The following SYT14 variants were observed in gnomAD, a reference collection of about 807,000 sequenced individuals.
SYT14 encodes the protein synaptotagmin-14.
Under a neutral mutation model 74.2 loss-of-function variants are expected in SYT14, and 32 were observed. The ratio of observed to expected loss-of-function variants is 0.43; its 90% CI spans 0.33 to 0.58. The LOEUF (loss-of-function observed/expected upper bound fraction) is 0.58, where lower values mean the gene tolerates loss of function less well. Among genes scored for constraint, SYT14 ranks in the 20% least tolerant of loss-of-function variants. SYT14 has a pLI of 0.05. For synonymous variants in SYT14, 298 were observed against 337.7 expected, an observed-to-expected ratio of 0.88 and a Z score of 1.29; for missense variants, 791 against 981.8, an observed-to-expected ratio of 0.81 and a Z score of 2.60.
At chr1:209,950,633 A>G (rs971936794) in intron 1 of SYT14, among the ~76,000 whole-genome samples, 1 of 152,184 alleles carries the variant, frequency 6.6e-6, no homozygotes, top group East Asian at 1.9e-4. Flanking sequence ...CATTGTTACA[A>G]CCAAGTCAGA....
chr1:209,962,152 T>G (rs1451324455), intron 2 of SYT14, among the ~76,000 whole-genome samples: 1 of 152,082 alleles, frequency 6.6e-6, no homozygotes, highest in African/African-American at 2.4e-5. Flanking sequence ...ATGAATAAAG[T>G]GCTCTTTTTC....
At chr1:209,938,477 T>G (rs1430245668) in intron 1 of SYT14, among the ~76,000 whole-genome samples, 200 bp downstream of exon 1, 1 of 151,712 alleles carries the variant, frequency 6.6e-6, no homozygotes, top group Non-Finnish European at 1.5e-5. Flanking sequence ...CCCGACTGGC[T>G]CGCTCGCCCC....
chr1:210,082,384 C>T (rs560463466), intron 5 of SYT14, among the ~76,000 whole-genome samples: 3 of 152,192 alleles, frequency 2.0e-5, no homozygotes, highest in South Asian at 2.1e-4. Context: ...TTCTATCCAC[C>T]GAGGTTTTCC....
At chr1:210,042,309 G>A (rs938042254) in intron 5 of SYT14, among the ~76,000 whole-genome samples, 16 of 152,134 alleles carry the variant, frequency 1.1e-4, no homozygotes, top group African/African-American at 3.9e-4. Context: ...ATACAGAGAA[G>A]GATGTTTAAT....
At chr1:209,945,695 AT>A (rs2078811546) in intron 1 of SYT14, among the ~76,000 whole-genome samples, 1 of 152,194 alleles carries the variant, frequency 6.6e-6, no homozygotes, top group African/African-American at 2.4e-5. Context: ...AATTGTGGTG[AT>A]TTAGGCTAAT....
At chr1:210,037,269 TATA>T (rs1236567404) in intron 5 of SYT14, among the ~76,000 whole-genome samples, 2 of 151,932 alleles carry the variant, frequency 1.3e-5, no homozygotes, top group African/African-American at 4.8e-5. Flanking sequence ...TGGTATCACT[TATA>T]ATGTCTCCTG....
At chr1:210,022,217 G>A (rs1195056407) in intron 5 of SYT14, among the ~76,000 whole-genome samples, 1 of 152,086 alleles carries the variant, frequency 6.6e-6, no homozygotes, top group Non-Finnish European at 1.5e-5. Flanking sequence ...AGTTGTCAAA[G>A]GGGGTAAATC....
At chr1:210,064,761 G>T (rs1194296433) in intron 5 of SYT14, among the ~76,000 whole-genome samples, 1 of 151,980 alleles carries the variant, frequency 6.6e-6, no homozygotes, top group Non-Finnish European at 1.5e-5. Context: ...GCTGCTTTCA[G>T]TTATTTTGGG....
intron 7 of SYT14, among the ~76,000 whole-genome samples, chr1:210,152,068 TCAAG>T (rs2083176038): frequency 6.6e-6 from 1 of 152,236 alleles, no homozygotes; most frequent in South Asian, 2.1e-4. Flanking sequence ...CCAAATGTGC[TCAAG>T]CATGTTTTTG....
chr1:210,067,658 T>A (rs1430325137), intron 5 of SYT14, among the ~76,000 whole-genome samples: 2 of 151,936 alleles, frequency 1.3e-5, no homozygotes. Flanking sequence ...AAATTTACCC[T>A]CCCATTAACA....
intron 5 of SYT14, among the ~76,000 whole-genome samples, chr1:210,030,904 TTTTG>T (rs1464349486): frequency 4.0e-5 from 5 of 123,560 alleles, no homozygotes; most frequent in Non-Finnish European, 6.6e-5. Flanking sequence ...GAAGGCAGTG[TTTTG>T]TTTGTTTTGT....
At chr1:210,029,618 A>G (rs564592786) in intron 5 of SYT14, among the ~76,000 whole-genome samples, 3 of 152,242 alleles carry the variant, frequency 2.0e-5, no homozygotes, top group East Asian at 1.9e-4. Context: ...CCATTGGTCT[A>G]TATGTTTGTC....
At chr1:210,058,259 A>G (rs1037446210) in intron 5 of SYT14, among the ~76,000 whole-genome samples, 6 of 152,172 alleles carry the variant, frequency 3.9e-5, no homozygotes, top group Non-Finnish European at 7.3e-5. Flanking sequence ...ATATCAGTCT[A>G]ACTGCTGTGC....
At position 210,161,879 on chromosome 1, in the gene SYT14, T is replaced by C. The variant is rs1363862076; in HGVS notation, c.*837T>C. 4 of 450,946 alleles carry C rather than the reference T, an allele frequency of 8.9e-6. No individual in the cohort carries two copies. The Admixed American group carries it at 9.4e-5, about 11-fold the overall frequency. The allele number at this position is 450,946 out of a possible 1,614,324, so 27.9% of individuals were successfully genotyped here. On this transcript the variant is annotated 3_prime_UTR_variant, in exon 10 of 10. Transcript: ENST00000637265. ...AGCAGGACTTTACTTTCAAATTTCT[T>C]TCAGTGATTGACTCTTCAAAATTGC...
chr1:210,017,188 C>T (rs1242644849), intron 4 of SYT14: 1 of 900,644 alleles, frequency 1.1e-6, no homozygotes, highest in Non-Finnish European at 1.5e-6. Flanking sequence ...TCTCAGCTTT[C>T]CTGTTCATGT....
chr1:210,034,026 T>C (rs2080598599), intron 5 of SYT14, among the ~76,000 whole-genome samples: 1 of 151,882 alleles, frequency 6.6e-6, no homozygotes, highest in African/African-American at 2.4e-5. Flanking sequence ...ATAAAAAGTA[T>C]AGTTCTGCAA....
chr1:210,027,022 A>T (rs1300252462), intron 5 of SYT14, among the ~76,000 whole-genome samples: 1 of 152,100 alleles, frequency 6.6e-6, no homozygotes, highest in African/African-American at 2.4e-5. Flanking sequence ...CCCCCCATTC[A>T]GTCAGAAATT....
At chr1:210,129,215 A>G (rs1350667963) in intron 7 of SYT14, among the ~76,000 whole-genome samples, 2 of 152,264 alleles carry the variant, frequency 1.3e-5, no homozygotes, top group African/African-American at 2.4e-5. Context: ...TGGTTTAAGC[A>G]ATAATAAAGA....
At chr1:210,099,848 C>G (rs2082029776) in intron 6 of SYT14, among the ~76,000 whole-genome samples, 164 bp from the exon 6 acceptor site, 1 of 152,158 alleles carries the variant, frequency 6.6e-6, no homozygotes, top group Non-Finnish European at 1.5e-5. Context: ...TAATCTCGCT[C>G]TATAGGGTAG....
Sources: allele counts gnomAD v4.1 joint callset (sites outside exome capture counted in the v4.1 genomes callset), GRCh38; gene constraint gnomAD v4.1.1; transcripts MANE v1.5; gene names NCBI Gene and HGNC (gene_info 2026-07-23, HGNC 2026-07-21).